GFPT1: variants seen among roughly 807,000 people sequenced by gnomAD.
The protein encoded by GFPT1 is glutamine--fructose-6-phosphate transaminase 1, also known as glutamine--fructose-6-phosphate aminotransferase [isomerizing] 1.
In GFPT1, 40 loss-of-function variants were observed where a neutral mutation model predicts 92.0. The observed-to-expected ratio is 0.43, with a 90% CI of 0.34 to 0.57. The LOEUF (loss-of-function observed/expected upper bound fraction) is 0.57, where lower values mean the gene tolerates loss of function less well. Ranked by LOEUF, GFPT1 falls within the 20% of genes least tolerant of loss-of-function variation. GFPT1 has a pLI of 0.02. For missense variants in GFPT1, 448 were observed against 869.1 expected (o/e 0.52, Z 6.09); for synonymous variants, 269 against 280.6 (o/e 0.96, Z 0.41).
At chr2:69,373,770 TATG>T (rs1485877270) in intron 2 of GFPT1, among the ~76,000 whole-genome samples, 2 of 152,192 alleles carry the variant, frequency 1.3e-5, no homozygotes, top group African/African-American at 4.8e-5. Flanking sequence ...TAATCCCCCA[TATG>T]ATGTTTTTAC....
intron 9 of GFPT1, 51 bp downstream of exon 9, chr2:69,354,208 T>C: frequency 1.9e-5 from 24 of 1,258,906 alleles, no homozygotes; most frequent in Non-Finnish European, 2.7e-5. Flanking sequence ...TAGTAAAGAA[T>C]AAACAAAAGA....
rs1488193581 is a variant in GFPT1, at chr2:69,357,947, C to T, written c.543+382G>A. On this transcript the variant is annotated intron_variant, in intron 6 of 19. Transcript: ENST00000357308. Reference sequence around the variant, plus strand: ...TGGTAGCTGTGAAGCTACTATTGTGCTAAGTTATTGGTTGAGAAGAACACT... The same window carrying T: ...TGGTAGCTGTGAAGCTACTATTGTGTTAAGTTATTGGTTGAGAAGAACACT... 2.6e-5 allele frequency among the ~76,000 whole-genome samples: 4 copies of T among 152,240 alleles called. No individual in the cohort carries two copies. In the East Asian group the frequency reaches 7.7e-4, roughly 29 times the overall value.
intron 11 of GFPT1, among the ~76,000 whole-genome samples, 162 bp downstream of exon 11, chr2:69,348,009 A>T (rs1000022209): frequency 6.6e-6 from 1 of 152,204 alleles, no homozygotes; most frequent in African/African-American, 2.4e-5. Flanking sequence ...AACAGCAGAT[A>T]ATTTCTCTAA....
chr2:69,353,624 T>C (rs929859071), intron 9 of GFPT1, among the ~76,000 whole-genome samples: 3 of 151,276 alleles, frequency 2.0e-5, no homozygotes, highest in Non-Finnish European at 4.4e-5. Context: ...AGCCCAAGAG[T>C]TCGAAATTGC....
Position 69,387,162 on chromosome 2 carries a change from C to G in GFPT1, c.-91G>C. 1 of 1,410,624 alleles carries G rather than the reference C, an allele frequency of 7.1e-7. No homozygotes were observed. The highest frequency in any genetic ancestry group is 9.4e-7 in the Non-Finnish European group (1 of 1,065,002). 87.4% of individuals were successfully genotyped at this position (1,410,624 alleles called of 1,614,324 possible). A position where few individuals can be genotyped will look rare whatever the true frequency, so the allele number is the denominator to read the frequency against. On this transcript the variant is annotated 5_prime_UTR_variant, in exon 1 of 20. Coordinates refer to ENST00000357308, the MANE Select transcript of GFPT1 (RefSeq NM_001244710.2). ...AGCTTCGGTGGGCAATCTGCGGGCT[C>G]GGGGGCCGGGGTGGCGCCGACACGA...
At chr2:69,346,160 TC>T (rs1671076474) in intron 11 of GFPT1, among the ~76,000 whole-genome samples, 161 bp from the exon 12 acceptor site, 1 of 152,100 alleles carries the variant, frequency 6.6e-6, no homozygotes, top group Non-Finnish European at 1.5e-5. Flanking sequence ...CATATTTTAC[TC>T]TGTGGAAAAA....
intron 19 of GFPT1, among the ~76,000 whole-genome samples, chr2:69,326,605 C>T (rs1009595615): frequency 6.6e-6 from 1 of 152,016 alleles, no homozygotes. Context: ...CAGTTCCAAA[C>T]AAAAAAGAAT....
At chr2:69,340,382 CTT>C (rs1366416739) in intron 13 of GFPT1, among the ~76,000 whole-genome samples, 1 of 152,014 alleles carries the variant, frequency 6.6e-6, no homozygotes, top group African/African-American at 2.4e-5. Context: ...AATAGAGTAA[CTT>C]AATGCTATAA....
chr2:69,377,207 CAAAA>C (rs59023245), intron 1 of GFPT1, among the ~76,000 whole-genome samples: 1 of 84,412 alleles, frequency 1.2e-5, no homozygotes, highest in African/African-American at 4.7e-5. Flanking sequence ...GACTCCGTCT[CAAAA>C]AAAAAAAAAA....
chr2:69,330,593 G>A, intron 15 of GFPT1, among the ~76,000 whole-genome samples: 9 of 143,196 alleles, frequency 6.3e-5, no homozygotes, highest in African/African-American at 7.7e-5. Flanking sequence ...AAAAAAAAAA[G>A]GAAAACTACA....
intron 2 of GFPT1, chr2:69,371,451 G>C (rs1176048901): frequency 6.6e-6 from 1 of 151,974 alleles, no homozygotes; most frequent in Non-Finnish European, 1.5e-5. Context: ...AGGAGGCCTA[G>C]AATACAGCTT....
rs372342070 is a variant in GFPT1 at position 69,328,838 on chromosome 2, TTA to T, written c.1726-402_1726-401del. Among the ~76,000 whole-genome samples the T allele has an allele frequency of 6.4e-4, 97 of 152,030 alleles. 1 individual carries two copies. The highest frequency in any genetic ancestry group is 2.3e-3 in the African/African-American group (94 of 41,470). The stretch of plus-strand genomic sequence containing the variant: ...GCCTTAGCCTCCCAAGTAGCTGGGA[TTA>T]TAGTCATGCATTACCACATCCAGCT... On this transcript the variant is annotated intron_variant, in intron 17 of 19. Coordinates refer to ENST00000357308, the MANE Select transcript of GFPT1 (RefSeq NM_001244710.2).
At chr2:69,351,388 G>A (rs1472175113) in intron 9 of GFPT1, among the ~76,000 whole-genome samples, 3 of 152,064 alleles carry the variant, frequency 2.0e-5, no homozygotes, top group Non-Finnish European at 4.4e-5. Flanking sequence ...CTTTCTTCAA[G>A]GCCAGGACAT....
At chr2:69,349,866 GT>G (rs1671165393) in intron 10 of GFPT1, among the ~76,000 whole-genome samples, 1 of 152,168 alleles carries the variant, frequency 6.6e-6, no homozygotes, top group Non-Finnish European at 1.5e-5. Flanking sequence ...GTCTCAAGCA[GT>G]ATATGTGTTC....
intron 5 of GFPT1, among the ~76,000 whole-genome samples, 165 bp downstream of exon 5, chr2:69,359,103 C>T (rs1671408888): frequency 6.6e-6 from 1 of 152,182 alleles, no homozygotes; most frequent in East Asian, 1.9e-4. Context: ...AATTGTTCCA[C>T]TGTTAGCAAA....
intron 2 of GFPT1, among the ~76,000 whole-genome samples, chr2:69,370,834 A>G (rs1671728732): frequency 6.6e-6 from 1 of 151,996 alleles, no homozygotes; most frequent in African/African-American, 2.4e-5. Context: ...TTGTTGAATG[A>G]TTCTCAATAA....
intron 11 of GFPT1, among the ~76,000 whole-genome samples, chr2:69,346,908 T>G (rs1671095724): frequency 6.8e-6 from 1 of 147,964 alleles, no homozygotes. Context: ...AGTTTTGTTT[T>G]GTTTTGTTTT....
chr2:69,348,101 G>T, intron 11 of GFPT1, 70 bp downstream of exon 11: 1 of 1,176,180 alleles, frequency 8.5e-7, no homozygotes, highest in Non-Finnish European at 1.3e-6. Context: ...GATTTAATAT[G>T]CTAGGAAAGG....
chr2:69,378,755 T>C (rs1223022037), intron 1 of GFPT1, among the ~76,000 whole-genome samples: 1 of 152,222 alleles, frequency 6.6e-6, no homozygotes, highest in Non-Finnish European at 1.5e-5. Flanking sequence ...GAATACTAAA[T>C]TTTATTTTTA....
Sources: allele counts gnomAD v4.1 joint callset (sites outside exome capture counted in the v4.1 genomes callset), GRCh38; gene constraint gnomAD v4.1.1; transcripts MANE v1.5; gene names NCBI Gene and HGNC (gene_info 2026-07-23, HGNC 2026-07-21).